The following MACC1 variants were observed in gnomAD, a reference collection of about 807,000 sequenced individuals.
MACC1 encodes the protein MET transcriptional regulator MACC1.
A neutral mutation model predicts 70.7 loss-of-function variants in MACC1; 79 were observed. The ratio of observed to expected loss-of-function variants is 1.12; its 90% CI spans 0.93 to 1.35. MACC1 has a LOEUF of 1.35. MACC1 is among the 40% of genes most tolerant of loss of function. MACC1 has a pLI of 0.00. For synonymous variants in MACC1, 361 were observed against 347.2 expected, an observed-to-expected ratio of 1.04 and a Z score of -0.44; for missense variants, 1,106 against 978.1, an observed-to-expected ratio of 1.13 and a Z score of -1.74.
intron 1 of MACC1, among the ~76,000 whole-genome samples, chr7:20,215,503 G>A (rs571675777): frequency 2.3e-4 from 35 of 152,284 alleles, no homozygotes; most frequent in African/African-American, 8.2e-4. Flanking sequence ...CACCTTTGGA[G>A]AATTACAAGT....
chr7:20,162,318 C>A (rs1782150625), intron 3 of MACC1, among the ~76,000 whole-genome samples: 1 of 151,974 alleles, frequency 6.6e-6, no homozygotes, highest in Admixed American at 6.6e-5. Context: ...TTTGTTACTT[C>A]TTTTTTAATA....
chr7:20,161,512 G>C (rs113072862), intron 4 of MACC1, among the ~76,000 whole-genome samples: 7 of 151,806 alleles, frequency 4.6e-5, no homozygotes, highest in African/African-American at 1.7e-4. Flanking sequence ...ATTCATTATA[G>C]TTATTGCATA....
At chr7:20,177,329 C>A (rs1395244972) in intron 1 of MACC1, among the ~76,000 whole-genome samples, 1 of 152,074 alleles carries the variant, frequency 6.6e-6, no homozygotes, top group African/African-American at 2.4e-5. Context: ...TTCAAATACA[C>A]TCTATTCTTG....
chr7:20,208,806 C>T (rs1782952585), intron 1 of MACC1, among the ~76,000 whole-genome samples: 1 of 152,198 alleles, frequency 6.6e-6, no homozygotes, highest in Non-Finnish European at 1.5e-5. Flanking sequence ...ATCACAGGCC[C>T]AGAGGCCTAG....
At chr7:20,181,080 C>CTGTGTGTG (rs59476252) in intron 1 of MACC1, among the ~76,000 whole-genome samples, 3,029 of 149,168 alleles carry the variant, frequency 0.02, 104 homozygotes, top group African/African-American at 0.071. Flanking sequence ...TGTATGTGCT[C>CTGTGTGTG]TGTGTGTGTG....
intron 1 of MACC1, among the ~76,000 whole-genome samples, chr7:20,213,820 G>A (rs1343445074): frequency 6.6e-6 from 1 of 151,990 alleles, no homozygotes; most frequent in Non-Finnish European, 1.5e-5. Flanking sequence ...CTTAATACCT[G>A]GGTGATGAAA....
chr7:20,203,039 TA>T (rs1186287447), intron 1 of MACC1, among the ~76,000 whole-genome samples: 1 of 152,212 alleles, frequency 6.6e-6, no homozygotes, highest in Non-Finnish European at 1.5e-5. Flanking sequence ...ACTGTGCTTT[TA>T]AAAAATTTAT....
At chr7:20,152,198 C>T (rs1232676287) in intron 6 of MACC1, among the ~76,000 whole-genome samples, 1 of 152,014 alleles carries the variant, frequency 6.6e-6, no homozygotes, top group Non-Finnish European at 1.5e-5. Flanking sequence ...CATTGGCACA[C>T]ATAGAAGGCA....
chr7:20,160,957 G>A (rs1453766001), intron 4 of MACC1, among the ~76,000 whole-genome samples: 2 of 151,970 alleles, frequency 1.3e-5, no homozygotes, highest in Non-Finnish European at 2.9e-5. Context: ...AGCTTGCAAT[G>A]GCAAATAATA....
intron 1 of MACC1, among the ~76,000 whole-genome samples, chr7:20,173,261 A>G (rs1222333689): frequency 6.6e-6 from 1 of 152,248 alleles, no homozygotes; most frequent in East Asian, 1.9e-4. Context: ...ACATAATAAA[A>G]TATATGGCAG....
At chr7:20,210,440 A>G (rs141315440) in intron 1 of MACC1, among the ~76,000 whole-genome samples, 1 of 152,294 alleles carries the variant, frequency 6.6e-6, no homozygotes, top group African/African-American at 2.4e-5. Context: ...TCATCGCACT[A>G]TGACCTCTTT....
chr7:20,210,445 C>T (rs1165979230), intron 1 of MACC1, among the ~76,000 whole-genome samples: 1 of 152,058 alleles, frequency 6.6e-6, no homozygotes, highest in Non-Finnish European at 1.5e-5. Context: ...GCACTATGAC[C>T]TCTTTCATCC....
At chr7:20,193,008 A>G (rs1283897213) in intron 1 of MACC1, among the ~76,000 whole-genome samples, 1 of 152,190 alleles carries the variant, frequency 6.6e-6, no homozygotes, top group Non-Finnish European at 1.5e-5. Context: ...TTATAATTTC[A>G]TATTATTTTT....
At chr7:20,215,956 G>T (rs61610353) in intron 1 of MACC1, among the ~76,000 whole-genome samples, 2,666 of 152,158 alleles carry the variant, frequency 0.018, 90 homozygotes, top group African/African-American at 0.057. Context: ...CATAACTAAA[G>T]CTTTTAAGCA....
Position 20,140,810 on chromosome 7 carries a change from CACACACACACACACAG to C in MACC1, c.*120_*135del, listed in dbSNP as rs1357667987. 12,354 of 547,312 alleles carry C rather than the reference CACACACACACACACAG, an allele frequency of 0.023. 806 individuals are homozygous for C. Among genetic ancestry groups the C allele is most frequent in the African/African-American group, 0.19 (9,476 of 50,982 alleles). The allele number at this position is 547,312 out of a possible 1,614,324, so 33.9% of individuals were successfully genotyped here. A position where few individuals can be genotyped will look rare whatever the true frequency, so the allele number is the denominator to read the frequency against. Reference sequence around the variant, plus strand: ...TGAGATTCTTTCTTTCCTACACACACACACACACACACACAGACACACACACACAGACACACACACA... The same window carrying C: ...TGAGATTCTTTCTTTCCTACACACACACACACACACACAGACACACACACA... On this transcript the variant is annotated 3_prime_UTR_variant, in exon 7 of 7. Coordinates refer to ENST00000400331, the MANE Select transcript of MACC1 (RefSeq NM_182762.4).
intron 1 of MACC1, among the ~76,000 whole-genome samples, chr7:20,214,168 T>C (rs1038671813): frequency 1.3e-5 from 2 of 152,146 alleles, no homozygotes; most frequent in East Asian, 1.9e-4. Context: ...ATTTCCACAG[T>C]TGGCTCCTGG....
intron 1 of MACC1, among the ~76,000 whole-genome samples, chr7:20,188,094 C>G (rs1782616962): frequency 6.6e-6 from 1 of 152,122 alleles, no homozygotes; most frequent in African/African-American, 2.4e-5. Context: ...TATAAAACCA[C>G]AAGATCTCCT....
chr7:20,159,836 C>G lies in MACC1; in HGVS notation c.525G>C (p.Arg175=). 6.2e-7 allele frequency: 1 copy of G among 1,614,128 alleles called. No individual in the cohort carries two copies. The highest frequency in any genetic ancestry group is 8.5e-7 in the Non-Finnish European group (1 of 1,180,030). ...LHDLEWLKND[R]EAYKMAWLSQ... ...TTAACCAAGCCATTTTATAAGCCTC[C>G]CGATCATTTTTAAGCCACTCTAAGT... The change falls in exon 5 of 7, where the codon CGG becomes CGC. Residue 175 remains arginine, a synonymous_variant. Coordinates refer to ENST00000400331, the MANE Select transcript of MACC1 (RefSeq NM_182762.4).
intron 1 of MACC1, among the ~76,000 whole-genome samples, chr7:20,182,053 A>G (rs1231185029): frequency 6.6e-6 from 1 of 151,882 alleles, no homozygotes; most frequent in Non-Finnish European, 1.5e-5. Flanking sequence ...GACATGGATG[A>G]AGCTGGAAAC....
Sources: allele counts gnomAD v4.1 joint callset (sites outside exome capture counted in the v4.1 genomes callset), GRCh38; gene constraint gnomAD v4.1.1; transcripts MANE v1.5; gene names NCBI Gene and HGNC (gene_info 2026-07-23, HGNC 2026-07-21).